PER2: variants seen among roughly 807,000 people sequenced by gnomAD.
PER2 encodes period circadian regulator 2, also known as period circadian protein homolog 2.
PER2 carries 66 observed loss-of-function variants against 121.0 expected under a neutral mutation model. That is an observed-to-expected ratio of 0.55 (90% CI 0.45 to 0.67). PER2 has a LOEUF of 0.67. Ranked by LOEUF, PER2 falls within the 30% of genes least tolerant of loss-of-function variation. The pLI is 0.00. For synonymous variants in PER2, 684 were observed against 659.9 expected, an observed-to-expected ratio of 1.04 and a Z score of -0.56; for missense variants, 1,521 against 1,635.0, an observed-to-expected ratio of 0.93 and a Z score of 1.20.
chr2:238,263,186 G>A (rs1464718526), intron 9 of PER2, 128 bp from the exon 10 acceptor site: 2 of 680,402 alleles, frequency 2.9e-6, no homozygotes, highest in Non-Finnish European at 5.2e-6. Flanking sequence ...CACCCCCGGA[G>A]ATCAAAAGTT....
At chr2:238,284,883 G>A (rs1208050399) in intron 1 of PER2, among the ~76,000 whole-genome samples, 1 of 152,236 alleles carries the variant, frequency 6.6e-6, no homozygotes, top group Non-Finnish European at 1.5e-5. Flanking sequence ...CTCATTTTGA[G>A]AAGCTGGCAA....
intron 9 of PER2, among the ~76,000 whole-genome samples, chr2:238,264,531 T>G (rs1696036802): frequency 6.6e-6 from 1 of 152,234 alleles, no homozygotes; most frequent in Non-Finnish European, 1.5e-5. Context: ...TGGTTCATTT[T>G]AGGAACCCAG....
Position 238,253,374 on chromosome 2 carries a change from C to A in PER2, c.2649G>T (p.Val883=). Residue 883 remains valine, a synonymous_variant, in exon 19 of 23, where the codon GTG becomes GTT. Coordinates refer to ENST00000254657, the MANE Select transcript of PER2 (RefSeq NM_022817.3). This position sits in a 1 kb window ranked among gnomAD's most constrained non-coding sequence, Gnocchi z 5.6. ...HASFTVPAVP[V]DLQHQFAVQP... ...GGACTGCAAACTGGTGCTGGAGGTC[C>A]ACGGGCACAGCAGGCACTGTGAAGC... 1 of 1,612,708 alleles carries A rather than the reference C, an allele frequency of 6.2e-7. No homozygotes were observed. The highest frequency in any genetic ancestry group is 8.5e-7 in the Non-Finnish European group (1 of 1,179,230).
chr2:238,262,477 C>T, intron 10 of PER2, 133 bp from the exon 11 acceptor site: 2 of 804,688 alleles, frequency 2.5e-6, no homozygotes, highest in Middle Eastern at 2.5e-4. Context: ...TCTTCAAAGC[C>T]ACTGCTTTCA....
Position 238,277,126 on chromosome 2 carries a change from C to T in PER2, c.293+5G>A, listed in dbSNP as rs761221310. 10 of 1,600,976 alleles carry T rather than the reference C, an allele frequency of 6.2e-6. No individual in the cohort carries two copies. Among genetic ancestry groups the T allele is most frequent in the Non-Finnish European group, 8.6e-6 (10 of 1,168,028 alleles). On this transcript the variant is annotated splice_donor_5th_base_variant and intron_variant, in intron 3 of 22. Coordinates refer to ENST00000254657, the MANE Select transcript of PER2 (RefSeq NM_022817.3). ...CTCTATGTATGAAGTTCTAATTGGCCTTACCTGCAGCCACTTGTAGATGGG... is the reference window on the plus strand; with the variant it reads ...CTCTATGTATGAAGTTCTAATTGGCTTTACCTGCAGCCACTTGTAGATGGG...
In PER2 at chr2:238,253,026, G is replaced by T; in HGVS notation, c.2997C>A (p.Ala999=). The change falls in exon 19 of 23, where the codon GCC becomes GCA. Residue 999 remains alanine (A), a synonymous_variant. Coordinates refer to ENST00000254657, the MANE Select transcript of PER2 (RefSeq NM_022817.3). This position sits in a 1 kb window ranked among gnomAD's most constrained non-coding sequence, Gnocchi z 5.6. The part of the protein sequence containing the change: ...LQLNLLQLEE[A]PEGGTGAMGT... ...CCATGGCTCCAGTGCCACCCTCAGG[G>T]GCTTCCTCCAGCTGCAGCAGGTTGA... 6.2e-7 allele frequency: 1 copy of T among 1,613,904 alleles called. No homozygotes were observed. The highest frequency in any genetic ancestry group is 8.5e-7 in the Non-Finnish European group (1 of 1,180,018).
chr2:238,263,731 C>T (rs987942722), intron 9 of PER2, among the ~76,000 whole-genome samples: 3 of 152,198 alleles, frequency 2.0e-5, no homozygotes, highest in Non-Finnish European at 4.4e-5. Flanking sequence ...ACCAATGTTT[C>T]CTCAAACTCT....
At chr2:238,249,416 A>G (rs1386558531) in intron 21 of PER2, among the ~76,000 whole-genome samples, 1 of 152,188 alleles carries the variant, frequency 6.6e-6, no homozygotes, top group East Asian at 1.9e-4. Context: ...GTCAAGATTT[A>G]ATTTTTCTGT....
In PER2 at chr2:238,271,331, C is replaced by T. The variant is rs1225277278; in HGVS notation, c.753G>A (p.Trp251Ter). 3 of 1,613,694 alleles carry T rather than the reference C, an allele frequency of 1.9e-6. No homozygotes were observed. The highest frequency in any genetic ancestry group is 2.5e-6 in the Non-Finnish European group (3 of 1,179,806). Reference sequence around the variant, plus strand: ...CCTCACCTGCTCCACTGCACATGCTCCACAAGGGAAGCTTGTACGGGGAGG... The same window carrying T: ...CCTCACCTGCTCCACTGCACATGCTTCACAAGGGAAGCTTGTACGGGGAGG... The part of the protein sequence containing the change: ...SFTSPYKLPL[W>*]SMCSGADSFT... Residue 251 changes from tryptophan to a stop codon, truncating the protein, a stop_gained, in exon 6 of 23, where the codon TGG becomes TGA. Coordinates refer to ENST00000254657, the MANE Select transcript of PER2 (RefSeq NM_022817.3). LOFTEE classifies it high-confidence loss of function.
At chr2:238,266,095 G>A (rs371258343) in intron 8 of PER2, among the ~76,000 whole-genome samples, 45 of 151,884 alleles carry the variant, frequency 3.0e-4, no homozygotes, top group South Asian at 8.3e-4. Flanking sequence ...AGTTGAGGTG[G>A]GGTTTCACCG....
At chr2:238,273,858 G>C (rs1696371123) in intron 4 of PER2, among the ~76,000 whole-genome samples, 4 of 152,148 alleles carry the variant, frequency 2.6e-5, no homozygotes, top group African/African-American at 9.7e-5. Flanking sequence ...AGTAGAGATG[G>C]GGTTTCACCA....
At chr2:238,288,073 CACCCAT>C (rs989392540) in intron 1 of PER2, among the ~76,000 whole-genome samples, 7 of 152,168 alleles carry the variant, frequency 4.6e-5, no homozygotes, top group African/African-American at 1.4e-4. Flanking sequence ...TCCCTCTGAT[CACCCAT>C]TCCAGGAGAC....
the PER2 span, among the ~76,000 whole-genome samples, chr2:238,296,082 C>CTGTGACCACGGACACGGGCAGACAT: frequency 3.2e-5 from 2 of 62,934 alleles, no homozygotes; most frequent in Non-Finnish European, 3.2e-5. Context: ...GTCGTGTGCC[C>CTGTGACCACGGACACGGGCAGACAT]TCCTGCTGCA....
In PER2 at chr2:238,251,748, G is replaced by C. The variant is rs750591421; in HGVS notation, c.3125C>G (p.Ser1042Ter). 6.2e-7 allele frequency: 1 copy of C among 1,602,334 alleles called. No individual in the cohort carries two copies. Among genetic ancestry groups the C allele is most frequent in the Non-Finnish European group, 8.5e-7 (1 of 1,172,486 alleles). Residue 1042 changes from serine to a stop codon, truncating the protein, a stop_gained, in exon 20 of 23, where the codon TCA becomes TGA. Coordinates refer to ENST00000254657, the MANE Select transcript of PER2 (RefSeq NM_022817.3). LOFTEE classifies it high-confidence loss of function. ...AAGGGCGTCACTGTTCTGTGTGTCT[G>C]AGGGTTCATCACGCTTTAGGGACAG... ...PKAPLTRDEP[S>*]DTQNSDALST... is the part of the protein sequence containing the mutation.
chr2:238,277,867 T>C lies in PER2; in HGVS notation c.70A>G (p.Ser24Gly). The part of the protein sequence containing the change: ...PTKEPVEPQP[S>G]QVPLQEDVDM... The stretch of plus-strand genomic sequence containing the variant: ...ACATCTTCCTGCAGTGGGACCTGGC[T>C]GGGCTGGGGCTCCACGGGCTCCTTG... Residue 24 changes from serine to glycine, a missense_variant, in exon 2 of 23, where the codon AGC becomes GGC. Coordinates refer to ENST00000254657, the MANE Select transcript of PER2 (RefSeq NM_022817.3). 1 of 1,614,214 alleles carries C rather than the reference T, an allele frequency of 6.2e-7. No homozygotes were observed. Among genetic ancestry groups the C allele is most frequent in the East Asian group, 2.2e-5 (1 of 44,888 alleles).
chr2:238,298,671 C>T, the PER2 span: 1 of 152,218 alleles, frequency 6.6e-6, no homozygotes, highest in South Asian at 2.1e-4. Flanking sequence ...AGTTTGCTGA[C>T]CGCTGGTGAC....
intron 6 of PER2, among the ~76,000 whole-genome samples, chr2:238,269,542 A>C (rs1305075436): frequency 1.4e-5 from 2 of 138,952 alleles, no homozygotes; most frequent in African/African-American, 6.0e-5. Flanking sequence ...GCACTGCTGC[A>C]AACACACCAA....
chr2:238,277,070 C>A lies in PER2; in HGVS notation c.293+61G>T, dbSNP rs577093095. On this transcript the variant is annotated intron_variant, in intron 3 of 22. Transcript: ENST00000254657. ...CACGTCACTCCCAGAAAACTAACCT[C>A]CAATAAGAAGTCTTTCAATTTCTCT... 5 of 1,255,570 alleles carry A rather than the reference C, an allele frequency of 4.0e-6. No individual in the cohort carries two copies. The African/African-American group carries it at 4.4e-5, about 11-fold the overall frequency. 77.8% of individuals were successfully genotyped at this position (1,255,570 alleles called of 1,614,324 possible). A position where few individuals can be genotyped will look rare whatever the true frequency, so the allele number is the denominator to read the frequency against.
chr2:238,291,900 A>T (rs1249484406), upstream of PER2, among the ~76,000 whole-genome samples: 1 of 152,222 alleles, frequency 6.6e-6, no homozygotes, highest in Non-Finnish European at 1.5e-5. Flanking sequence ...CGGTATAAAG[A>T]AAGTATCTTC....
Sources: gnomAD v4.1 joint callset for allele counts (sites outside exome capture counted in the v4.1 genomes callset) on GRCh38, gnomAD v4.1.1 for gene constraint, Gnocchi (gnomAD v3.1) non-coding constraint, MANE v1.5 for transcripts, NCBI Gene and HGNC (gene_info 2026-07-23, HGNC 2026-07-21) for gene names.